The following ZNF831 variants were observed in gnomAD, a reference collection of about 807,000 sequenced individuals.
The protein encoded by ZNF831 is chromosome 20 open reading frame 174.
In ZNF831, 59 loss-of-function variants were observed where a neutral mutation model predicts 95.8. That is an observed-to-expected ratio of 0.62 (90% CI 0.50 to 0.77). The LOEUF (loss-of-function observed/expected upper bound fraction) is 0.77. ZNF831 is among the 30% of genes least tolerant of loss of function. ZNF831 has a pLI of 0.00. For missense variants in ZNF831, 2,205 were observed against 2,164.0 expected, an observed-to-expected ratio of 1.02 and a Z score of -0.38; for synonymous variants, 961 against 925.5, an observed-to-expected ratio of 1.04 and a Z score of -0.70.
At chr20:59,236,344 A>G (rs906829119) in intron 4 of ZNF831, among the ~76,000 whole-genome samples, 4 of 152,152 alleles carry the variant, frequency 2.6e-5, no homozygotes, top group Non-Finnish European at 5.9e-5. Flanking sequence ...GGACAAATGA[A>G]TATAGAAGGG....
intron 4 of ZNF831, among the ~76,000 whole-genome samples, chr20:59,230,907 G>A (rs1009442514): frequency 6.6e-6 from 1 of 152,202 alleles, no homozygotes; most frequent in Non-Finnish European, 1.5e-5. Context: ...TAACCACCGG[G>A]TGAGAGCAGT....
intron 1 of ZNF831, among the ~76,000 whole-genome samples, chr20:59,176,545 C>T (rs552688426): frequency 1.7e-4 from 26 of 152,176 alleles, no homozygotes; most frequent in Non-Finnish European, 3.2e-4. Context: ...CAGTCTGCAG[C>T]CATAGAATCA....
Position 59,192,951 on chromosome 20 carries a change from A to C in ZNF831, c.1932A>C (p.Lys644Asn), listed in dbSNP as rs781658822. 3 of 1,600,108 alleles carry C rather than the reference A, an allele frequency of 1.9e-6. No individual in the cohort carries two copies. The highest frequency in any genetic ancestry group is 2.6e-6 in the Non-Finnish European group (3 of 1,173,820). Residue 644 changes from lysine to asparagine, a missense_variant, in exon 2 of 6, where the codon AAA (lysine) becomes AAC (asparagine). Transcript: ENST00000371030. This position sits in a 1 kb window ranked among gnomAD's most constrained non-coding sequence, Gnocchi z 5.2. ...KMKASPHGGKKAREVGMGSGA... is the reference protein window; with the variant it reads ...KMKASPHGGKNAREVGMGSGA... The stretch of plus-strand genomic sequence containing the variant: ...AAGCCAGTCCCCATGGAGGCAAGAA[A>C]GCCAGGGAGGTGGGAATGGGCAGTG...
chr20:59,240,039 C>T (rs887698011), intron 4 of ZNF831, among the ~76,000 whole-genome samples: 3 of 151,988 alleles, frequency 2.0e-5, no homozygotes, highest in African/African-American at 7.3e-5. Flanking sequence ...GAAGTGGAAG[C>T]GTGGAAGACT....
intron 1 of ZNF831, among the ~76,000 whole-genome samples, chr20:59,130,650 G>C (rs1283061771): frequency 6.6e-6 from 1 of 152,198 alleles, no homozygotes; most frequent in Non-Finnish European, 1.5e-5. Flanking sequence ...TGATGGTGAT[G>C]TTGGAAGCTG....
intron 1 of ZNF831, among the ~76,000 whole-genome samples, chr20:59,136,727 G>T (rs1979523100): frequency 6.6e-6 from 1 of 152,142 alleles, no homozygotes; most frequent in African/African-American, 2.4e-5. Context: ...CCAGATTTCT[G>T]TAAGGCAACA....
chr20:59,148,338 G>A (rs911138971), intron 2 of ZNF831, among the ~76,000 whole-genome samples: 2 of 152,138 alleles, frequency 1.3e-5, no homozygotes, highest in South Asian at 2.1e-4. Flanking sequence ...TCCCTGTTCA[G>A]TCCTTGGGAA....
Position 59,199,070 on chromosome 20 carries a change from C to A in ZNF831, c.3875+3065C>A, listed in dbSNP as rs918931158. 5.0e-4 allele frequency among the ~76,000 whole-genome samples: 38 copies of A among 75,540 alleles called. 2 individuals are homozygous for A. In the South Asian group the frequency reaches 0.024, roughly 48 times the overall value. The allele number at this position is 75,540 out of a possible 152,430, so 49.6% of individuals were successfully genotyped here. On this transcript the variant is annotated intron_variant, in intron 3 of 5. Transcript: ENST00000371030. Reference sequence around the variant, plus strand: ...ACCCACCCACCCACCCATCAACTTACATATCTATCTATCTATCTATCTATC... The same window carrying A: ...ACCCACCCACCCACCCATCAACTTAAATATCTATCTATCTATCTATCTATC...
chr20:59,252,967 TC>T lies in ZNF831; in HGVS notation c.4028-7del. 1 of 1,611,776 alleles carries T rather than the reference TC, an allele frequency of 6.2e-7. No individual in the cohort carries two copies. The highest frequency in any genetic ancestry group is 8.5e-7 in the Non-Finnish European group (1 of 1,179,104). On this transcript the variant is annotated splice_polypyrimidine_tract_variant and intron_variant, in intron 4 of 5. Transcript: ENST00000371030. Reference sequence around the variant, plus strand: ...TTCCAGTCATATGTAAATGTGCCTCTCCCCTTGCAGGTCTGAATCTGCAAGA... The same window carrying T: ...TTCCAGTCATATGTAAATGTGCCTCTCCCTTGCAGGTCTGAATCTGCAAGA...
At chr20:59,250,988 T>C (rs568653874) in intron 4 of ZNF831, among the ~76,000 whole-genome samples, 2 of 152,300 alleles carry the variant, frequency 1.3e-5, no homozygotes, top group Non-Finnish European at 1.5e-5. Context: ...AAGAGTTATA[T>C]TGTACAACAT....
At chr20:59,200,936 A>T (rs549037409) in intron 3 of ZNF831, among the ~76,000 whole-genome samples, 1 of 152,336 alleles carries the variant, frequency 6.6e-6, no homozygotes, top group South Asian at 2.1e-4. Context: ...TAAAATGACT[A>T]TAAATATTCA....
chr20:59,200,845 TTGAG>T lies in ZNF831; in HGVS notation c.3875+4846_3875+4849del, dbSNP rs559134177. ...CTTCTTATTGCTAACTAGTATGCCATTGAGTGAGTATGTCACAATTTGTATACAT... is the reference window on the plus strand; with the variant it reads ...CTTCTTATTGCTAACTAGTATGCCATTGAGTATGTCACAATTTGTATACAT... On this transcript the variant is annotated intron_variant, in intron 3 of 5. Coordinates refer to ENST00000371030, the MANE Select transcript of ZNF831 (RefSeq NM_178457.3). Among the ~76,000 whole-genome samples, 872 of 152,242 alleles carry T rather than the reference TTGAG, an allele frequency of 5.7e-3. 4 individuals are homozygous for T. Among genetic ancestry groups the T allele is most frequent in the Admixed American group, 9.9e-3 (151 of 15,270 alleles).
chr20:59,142,265 C>T (rs932074893), intron 1 of ZNF831, among the ~76,000 whole-genome samples: 14 of 152,092 alleles, frequency 9.2e-5, no homozygotes, highest in Non-Finnish European at 1.8e-4. Flanking sequence ...CAGTAGACTC[C>T]CATGGAAAGA....
chr20:59,222,954 A>G (rs1009304608), intron 4 of ZNF831, among the ~76,000 whole-genome samples: 2 of 151,576 alleles, frequency 1.3e-5, no homozygotes, highest in African/African-American at 4.8e-5. Flanking sequence ...ATCGGCTGGG[A>G]CCCCCCGCTG....
At chr20:59,201,845 C>A (rs1984551575) in intron 3 of ZNF831, among the ~76,000 whole-genome samples, 1 of 152,114 alleles carries the variant, frequency 6.6e-6, no homozygotes, top group Non-Finnish European at 1.5e-5. Context: ...ATACAAAGAT[C>A]AATGGAGCAA....
chr20:59,207,471 G>A (rs1984979386), intron 4 of ZNF831, among the ~76,000 whole-genome samples: 1 of 152,196 alleles, frequency 6.6e-6, no homozygotes, highest in Non-Finnish European at 1.5e-5. Context: ...GGGCTTAAGA[G>A]CCCATGTGAA....
chr20:59,172,481 G>C (rs1981828208), intron 1 of ZNF831, among the ~76,000 whole-genome samples: 1 of 152,182 alleles, frequency 6.6e-6, no homozygotes, highest in South Asian at 2.1e-4. Context: ...CCTCATTAAT[G>C]CATTTCTCAG....
chr20:59,125,385 A>G (rs942616950), intron 1 of ZNF831, among the ~76,000 whole-genome samples: 1 of 152,120 alleles, frequency 6.6e-6, no homozygotes, highest in Non-Finnish European at 1.5e-5. Flanking sequence ...CTGCTCCTCC[A>G]AGTGGCCCCA....
chr20:59,172,929 A>T (rs1253837114), intron 1 of ZNF831, among the ~76,000 whole-genome samples: 3 of 152,196 alleles, frequency 2.0e-5, no homozygotes, highest in Admixed American at 6.5e-5. Flanking sequence ...GGTCATAGTG[A>T]GCACCTGTCT....
Sources: gnomAD v4.1 joint callset for allele counts (sites outside exome capture counted in the v4.1 genomes callset) on GRCh38, gnomAD v4.1.1 for gene constraint, Gnocchi (gnomAD v3.1) non-coding constraint, MANE v1.5 for transcripts, NCBI Gene and HGNC (gene_info 2026-07-23, HGNC 2026-07-21) for gene names.